The following FAM53A variants were observed in gnomAD, a reference collection of about 807,000 sequenced individuals.
FAM53A encodes family with sequence similarity 53 member A.
FAM53A carries 28 observed loss-of-function variants against 26.6 expected under a neutral mutation model. The ratio of observed to expected loss-of-function variants is 1.05; its 90% CI spans 0.78 to 1.45. FAM53A has a LOEUF of 1.45. Among genes scored for constraint, FAM53A ranks in the 40% most tolerant of loss-of-function variants. The pLI is 0.00. For missense variants in FAM53A, 650 were observed against 575.8 expected, an observed-to-expected ratio of 1.13 and a Z score of -1.32; for synonymous variants, 290 against 253.1, an observed-to-expected ratio of 1.15 and a Z score of -1.38.
At chr4:1,603,372 C>A in the FAM53A span, among the ~76,000 whole-genome samples, 3 of 152,206 alleles carry the variant, frequency 2.0e-5, no homozygotes, top group African/African-American at 7.2e-5. Context: ...CTCCCCTCTG[C>A]AGGGCAGAAG....
intron 1 of FAM53A, 97 bp downstream of exon 1, chr4:1,684,136 A>G (rs1715646873): frequency 6.7e-6 from 1 of 149,532 alleles, no homozygotes; most frequent in Admixed American, 6.6e-5. Flanking sequence ...CGCGCCCTCC[A>G]CGTGCCGCGG....
the FAM53A span, among the ~76,000 whole-genome samples, chr4:1,593,147 CCAG>C: frequency 6.6e-6 from 1 of 152,184 alleles, no homozygotes; most frequent in Non-Finnish European, 1.5e-5. Context: ...CAGAGAGGCA[CCAG>C]GTCCTGGGTC....
intron 4 of FAM53A, among the ~76,000 whole-genome samples, chr4:1,651,479 C>T (rs372940370): frequency 1.3e-4 from 19 of 151,328 alleles, no homozygotes; most frequent in African/African-American, 4.1e-4. Flanking sequence ...TTGCAGTGAC[C>T]GGAGATCGTG....
rs143720003 is a variant in FAM53A at position 1,657,455 on chromosome 4, G to A, written c.89C>T (p.Ala30Val). The stretch of plus-strand genomic sequence containing the variant: ...ACGACCGCTCTTGTTCAGGGTTTCC[G>A]CAGAATACTGCAACTGACAGGAAAG... Reference protein sequence around the residue: ...KAEAGPLQYSAETLNKSGRLF... With the variant: ...KAEAGPLQYSVETLNKSGRLF... The change falls in exon 3 of 5, where the codon GCG (alanine) becomes GTG (valine). Residue 30 changes from alanine to valine, a missense_variant. Physicochemically the swap from Ala to Val is moderately conservative, Grantham distance 64. Coordinates refer to ENST00000308132, the MANE Select transcript of FAM53A (RefSeq NM_001174070.3). 9.2e-5 allele frequency: 149 copies of A among 1,613,586 alleles called. No homozygotes were observed. Among genetic ancestry groups the A allele is most frequent in the East Asian group, 3.3e-4 (15 of 44,898 alleles).
downstream of FAM53A, among the ~76,000 whole-genome samples, chr4:1,635,745 T>G (rs150364291): frequency 5.1e-3 from 780 of 152,156 alleles, no homozygotes; most frequent in Non-Finnish European, 8.9e-3. Flanking sequence ...TTACATCAAG[T>G]GCATTTTTGG....
chr4:1,586,193 A>AT, the FAM53A span, among the ~76,000 whole-genome samples: 65 of 149,840 alleles, frequency 4.3e-4, no homozygotes, highest in African/African-American at 1.1e-3. Flanking sequence ...GGTGAGACTG[A>AT]TTTTTTTTTT....
the FAM53A span, among the ~76,000 whole-genome samples, chr4:1,596,805 A>T: frequency 6.6e-6 from 1 of 151,860 alleles, no homozygotes; most frequent in Non-Finnish European, 1.5e-5. Flanking sequence ...GACAGAGACA[A>T]GGGGAGAGAC....
downstream of FAM53A, among the ~76,000 whole-genome samples, chr4:1,635,929 T>C (rs1715820506): frequency 6.8e-6 from 1 of 146,768 alleles, no homozygotes; most frequent in Non-Finnish European, 1.5e-5. Flanking sequence ...CTGCAAGCTC[T>C]GCCTTCTGGG....
At chr4:1,657,346 C>T (rs1175190116) in intron 3 of FAM53A, 62 bp downstream of exon 3, 1 of 1,494,862 alleles carries the variant, frequency 6.7e-7, no homozygotes, top group Non-Finnish European at 9.2e-7. Flanking sequence ...AGGACCCTCC[C>T]AGCCCAGGAG....
intron 1 of FAM53A, among the ~76,000 whole-genome samples, chr4:1,674,613 G>A (rs1410639748): frequency 6.6e-6 from 1 of 151,464 alleles, no homozygotes; most frequent in Non-Finnish European, 1.5e-5. Context: ...AGGTTGCAGT[G>A]AGCCGAGATC....
chr4:1,650,641 G>A lies in FAM53A; in HGVS notation c.882+4337C>T, dbSNP rs527634471. On this transcript the variant is annotated intron_variant, in intron 4 of 4. Transcript: ENST00000308132. The stretch of plus-strand genomic sequence containing the variant: ...CTCCCAAGTAGCTAGGACTACAGGC[G>A]CCCACCATCATGCCCAGCAAATTTT... 1.4e-4 allele frequency among the ~76,000 whole-genome samples: 21 copies of A among 151,936 alleles called. No individual in the cohort carries two copies. The East Asian group carries it at 3.5e-3, about 26-fold the overall frequency.
At chr4:1,602,655 G>A in the FAM53A span, among the ~76,000 whole-genome samples, 1 of 152,216 alleles carries the variant, frequency 6.6e-6, no homozygotes, top group African/African-American at 2.4e-5. Context: ...AGGTCTGGGT[G>A]GGCCCCTCCG....
At chr4:1,575,680 C>T in the FAM53A span, among the ~76,000 whole-genome samples, 1 of 152,118 alleles carries the variant, frequency 6.6e-6, no homozygotes, top group African/African-American at 2.4e-5. Flanking sequence ...TGGACACTGC[C>T]CCCACCCAGG....
chr4:1,600,602 C>A, the FAM53A span, among the ~76,000 whole-genome samples: 3 of 152,194 alleles, frequency 2.0e-5, no homozygotes. Flanking sequence ...CGGCACACTG[C>A]GGTCCCCATC....
downstream of FAM53A, among the ~76,000 whole-genome samples, chr4:1,615,195 C>G (rs1714761998): frequency 6.8e-6 from 1 of 147,712 alleles, no homozygotes; most frequent in Non-Finnish European, 1.5e-5. Flanking sequence ...CCTACTTGGG[C>G]ACACACACGG....
chr4:1,645,482 C>T (rs964388522), intron 4 of FAM53A, among the ~76,000 whole-genome samples: 2 of 152,242 alleles, frequency 1.3e-5, no homozygotes, highest in African/African-American at 4.8e-5. Flanking sequence ...ACAACCTGCT[C>T]GGGCTGTGAG....
intron 1 of FAM53A, among the ~76,000 whole-genome samples, chr4:1,622,024 T>A (rs1301342089): frequency 2.0e-5 from 3 of 152,178 alleles, no homozygotes; most frequent in Admixed American, 1.3e-4. Flanking sequence ...TCCGACCCCA[T>A]CTGCTCTCTC....
chr4:1,652,719 C>T (rs1712969175), intron 4 of FAM53A, among the ~76,000 whole-genome samples: 1 of 150,234 alleles, frequency 6.7e-6, no homozygotes, highest in African/African-American at 2.5e-5. Context: ...ACACACCACA[C>T]ACACTACCAG....
chr4:1,675,425 T>C (rs1056545697), intron 1 of FAM53A, among the ~76,000 whole-genome samples: 4 of 152,170 alleles, frequency 2.6e-5, no homozygotes, highest in African/African-American at 9.7e-5. Flanking sequence ...GCCCAGGTGA[T>C]GCCTTCTCCC....
Sources: gnomAD v4.1 joint callset for allele counts (sites outside exome capture counted in the v4.1 genomes callset) on GRCh38, gnomAD v4.1.1 for gene constraint, MANE v1.5 for transcripts, NCBI Gene and HGNC (gene_info 2026-07-23, HGNC 2026-07-21) for gene names.